The following ERH variants were observed in gnomAD, a reference collection of about 807,000 sequenced individuals.
ERH encodes the protein enhancer of rudimentary homolog.
In ERH, 1 loss-of-function variant was observed where a neutral mutation model predicts 16.8. The ratio of observed to expected loss-of-function variants is 0.06; its 90% CI spans 0.02 to 0.28. The LOEUF is 0.28. Ranked by LOEUF, ERH falls within the 10% of genes least tolerant of loss-of-function variation. ERH has a pLI of 1.00. For synonymous variants in ERH, 43 were observed against 43.6 expected (o/e 0.99, Z 0.05); for missense variants, 42 against 127.5 (o/e 0.33, Z 3.23).
intron 2 of ERH, among the ~76,000 whole-genome samples, chr14:69,392,124 G>A (rs192257831): frequency 7.6e-4 from 114 of 150,864 alleles, no homozygotes; most frequent in African/African-American, 2.6e-3. Flanking sequence ...CTAAAAACAT[G>A]GTCTTAAATA....
At chr14:69,387,721 A>C (rs2045900699) in intron 2 of ERH, among the ~76,000 whole-genome samples, 1 of 125,374 alleles carries the variant, frequency 8.0e-6, no homozygotes, top group Non-Finnish European at 1.7e-5. Flanking sequence ...ATTGGCAACA[A>C]GGAAAGAGAT....
intron 1 of ERH, among the ~76,000 whole-genome samples, chr14:69,397,738 G>C (rs1882389261): frequency 6.6e-6 from 1 of 152,162 alleles, no homozygotes. Context: ...GGCCAACATG[G>C]TGAAACGCCG....
intron 2 of ERH, among the ~76,000 whole-genome samples, chr14:69,393,167 A>C (rs566373894): frequency 6.6e-6 from 1 of 152,238 alleles, no homozygotes; most frequent in East Asian, 1.9e-4. Context: ...AAATACAAAA[A>C]TTAGCTGGGC....
intron 2 of ERH, among the ~76,000 whole-genome samples, chr14:69,392,657 T>C (rs1283003614): frequency 6.6e-6 from 1 of 152,182 alleles, no homozygotes; most frequent in Non-Finnish European, 1.5e-5. Flanking sequence ...GACATAAGAA[T>C]GAAACCTAGT....
At chr14:69,395,931 T>G (rs1215048252) in intron 1 of ERH, among the ~76,000 whole-genome samples, 1 of 152,208 alleles carries the variant, frequency 6.6e-6, no homozygotes, top group Non-Finnish European at 1.5e-5. Context: ...CATGTTTTTG[T>G]TAGTGATCAG....
intron 2 of ERH, among the ~76,000 whole-genome samples, chr14:69,392,299 A>C (rs1250907185): frequency 6.6e-6 from 1 of 151,940 alleles, no homozygotes; most frequent in Non-Finnish European, 1.5e-5. Context: ...TTTTTGTTTT[A>C]GTTTTTTAAA....
chr14:69,398,129 G>A (rs2140236822), intron 1 of ERH, 102 bp downstream of exon 1: 1 of 1,333,492 alleles, frequency 7.5e-7, no homozygotes, highest in Non-Finnish European at 1.0e-6. Flanking sequence ...GGAGCATCAC[G>A]CGGCGCTGCA....
chr14:69,391,583 G>A (rs1027818658), intron 2 of ERH, among the ~76,000 whole-genome samples: 3 of 146,112 alleles, frequency 2.1e-5, no homozygotes, highest in Non-Finnish European at 4.5e-5. Context: ...GGGAGGCAGA[G>A]GTTGCAGTGA....
chr14:69,394,155 CT>C (rs1253065209), intron 2 of ERH, among the ~76,000 whole-genome samples: 5 of 152,130 alleles, frequency 3.3e-5, no homozygotes, highest in African/African-American at 1.2e-4. Flanking sequence ...AGTGTTTGAG[CT>C]TAACCAGAAT....
chr14:69,398,156 G>A (rs1882414582), intron 1 of ERH, 75 bp downstream of exon 1: 1 of 1,579,294 alleles, frequency 6.3e-7, no homozygotes, highest in Non-Finnish European at 8.7e-7. Context: ...TCGTGGGGAG[G>A]GGAAAACGTA....
chr14:69,382,094 T>A (rs950008201), intron 3 of ERH, among the ~76,000 whole-genome samples: 6 of 152,184 alleles, frequency 3.9e-5, no homozygotes, highest in Admixed American at 3.3e-4. Flanking sequence ...GACTCCAGAG[T>A]CCTCACTGTT....
At chr14:69,391,985 C>T (rs2124191) in intron 2 of ERH, among the ~76,000 whole-genome samples, 68,673 of 151,816 alleles carry the variant, frequency 0.45, 15,713 homozygotes, top group Middle Eastern at 0.6. Context: ...TATTAATTCA[C>T]CAATCCCAAC....
chr14:69,381,165 T>A (rs1222182366), intron 3 of ERH, among the ~76,000 whole-genome samples: 2 of 152,126 alleles, frequency 1.3e-5, no homozygotes, highest in African/African-American at 4.8e-5. Context: ...CCTGTAGTCC[T>A]GCCTACTCAG....
intron 3 of ERH, among the ~76,000 whole-genome samples, chr14:69,385,930 T>C (rs1358237074): frequency 1.3e-5 from 2 of 152,200 alleles, no homozygotes; most frequent in African/African-American, 4.8e-5. Flanking sequence ...CCTTCACTCA[T>C]TCCTCTGCAG....
At chr14:69,390,439 T>C (rs2045917872) in intron 2 of ERH, among the ~76,000 whole-genome samples, 2 of 152,142 alleles carry the variant, frequency 1.3e-5, no homozygotes. Context: ...TTGACAAGCA[T>C]GCCAAAACAA....
intron 2 of ERH, among the ~76,000 whole-genome samples, chr14:69,391,754 A>G (rs1044854810): frequency 1.3e-5 from 2 of 151,892 alleles, no homozygotes; most frequent in African/African-American, 4.8e-5. Flanking sequence ...CATTCCAGAA[A>G]AGGCAAAACT....
chr14:69,381,240 C>T (rs934573567), intron 3 of ERH, among the ~76,000 whole-genome samples: 1 of 152,196 alleles, frequency 6.6e-6, no homozygotes, highest in South Asian at 2.1e-4. Flanking sequence ...CGTGCCACTG[C>T]ACTCCTGTGA....
At chr14:69,389,821 G>C (rs1466137745) in intron 2 of ERH, among the ~76,000 whole-genome samples, 1 of 152,134 alleles carries the variant, frequency 6.6e-6, no homozygotes, top group Non-Finnish European at 1.5e-5. Context: ...GCCCAGGCTG[G>C]AGTGCAGTGG....
At chr14:69,397,822 A>G (rs1460190487) in intron 1 of ERH, among the ~76,000 whole-genome samples, 3 of 151,810 alleles carry the variant, frequency 2.0e-5, no homozygotes, top group African/African-American at 7.3e-5. Context: ...GGAGGCTGAG[A>G]CAGGAGAATT....
Sources: allele counts gnomAD v4.1 joint callset (sites outside exome capture counted in the v4.1 genomes callset), GRCh38; gene constraint gnomAD v4.1.1; transcripts MANE v1.5; gene names NCBI Gene and HGNC (gene_info 2026-07-23, HGNC 2026-07-21).